Variants in CEP63 observed in about 807,000 individuals in gnomAD.
The protein encoded by CEP63 is centrosomal protein 63, also known as centrosomal protein of 63 kDa.
Under a neutral mutation model 89.1 loss-of-function variants are expected in CEP63, and 84 were observed. The observed-to-expected ratio is 0.94, with a 90% CI of 0.79 to 1.13. The LOEUF (loss-of-function observed/expected upper bound fraction) is 1.13, where lower values mean the gene tolerates loss of function less well. CEP63 is among the 50% of genes most tolerant of loss of function. The pLI is 0.00. For missense variants in CEP63, 838 were observed against 813.3 expected (o/e 1.03, Z -0.37); for synonymous variants, 267 against 272.5 (o/e 0.98, Z 0.20).
At chr3:134,763,122 C>G in the CEP63 span, among the ~76,000 whole-genome samples, 1 of 151,688 alleles carries the variant, frequency 6.6e-6, no homozygotes, top group African/African-American at 2.4e-5. Context: ...GGTACATATA[C>G]ATAACGTGCA....
At chr3:134,779,839 G>A in the CEP63 span, 1 of 152,232 alleles carries the variant, frequency 6.6e-6, no homozygotes, top group African/African-American at 2.4e-5. Flanking sequence ...TTGTCCCACT[G>A]ACCAGGCTGT....
the CEP63 span, among the ~76,000 whole-genome samples, chr3:134,649,813 G>C: frequency 1.3e-5 from 2 of 152,236 alleles, no homozygotes; most frequent in Non-Finnish European, 2.9e-5. Context: ...GTGGAAGGTG[G>C]ATGTTCAATG....
At chr3:134,541,255 T>G (rs1951935352) in intron 6 of CEP63, among the ~76,000 whole-genome samples, 1 of 152,216 alleles carries the variant, frequency 6.6e-6, no homozygotes, top group Admixed American at 6.5e-5. Context: ...AATTGCTTAA[T>G]TCTATCAATT....
At chr3:134,504,771 G>C (rs1234214461) in intron 2 of CEP63, among the ~76,000 whole-genome samples, 1 of 152,104 alleles carries the variant, frequency 6.6e-6, no homozygotes, top group Non-Finnish European at 1.5e-5. Context: ...TCTCCCATAT[G>C]CCATGTAGGC....
chr3:134,735,195 C>T, the CEP63 span, among the ~76,000 whole-genome samples: 1 of 152,168 alleles, frequency 6.6e-6, no homozygotes, highest in Non-Finnish European at 1.5e-5. Context: ...TGCTTTCCAT[C>T]TTTTCTATAA....
chr3:134,632,648 G>GA, the CEP63 span, among the ~76,000 whole-genome samples: 1 of 151,592 alleles, frequency 6.6e-6, no homozygotes, highest in African/African-American at 2.4e-5. Flanking sequence ...TCTTATTACA[G>GA]AAAAAAGAAA....
At chr3:134,620,886 A>G in the CEP63 span, 1 of 1,406,168 alleles carries the variant, frequency 7.1e-7, no homozygotes, top group Non-Finnish European at 1.0e-6. Context: ...GTGCTGTATT[A>G]GGGCCTCGAG....
the CEP63 span, among the ~76,000 whole-genome samples, chr3:134,617,262 C>A: frequency 7.3e-3 from 1,117 of 152,300 alleles, 15 homozygotes; most frequent in African/African-American, 0.026. Context: ...TAATCATGTT[C>A]TGAAAGATGC....
chr3:134,499,333 T>C (rs904061167), intron 2 of CEP63, among the ~76,000 whole-genome samples: 2 of 152,204 alleles, frequency 1.3e-5, no homozygotes, highest in African/African-American at 4.8e-5. Flanking sequence ...CTAATGACCC[T>C]TTGTATTTCT....
the CEP63 span, among the ~76,000 whole-genome samples, chr3:134,600,135 T>C: frequency 2.9e-4 from 44 of 152,156 alleles, no homozygotes; most frequent in Admixed American, 2.9e-3. Flanking sequence ...TCTTCGAAAA[T>C]TTTGCCAATA....
At chr3:134,603,183 G>C in the CEP63 span, 1 of 162,906 alleles carries the variant, frequency 6.1e-6, no homozygotes, top group African/African-American at 2.4e-5. Flanking sequence ...CTTGGGCATG[G>C]AAGAGAATTC....
the CEP63 span, among the ~76,000 whole-genome samples, chr3:134,623,756 T>A: frequency 2.8e-3 from 423 of 152,260 alleles, 1 homozygote; most frequent in Middle Eastern, 0.01. Flanking sequence ...GTAGCCGACA[T>A]GGCGTCTGTC....
intron 2 of CEP63, among the ~76,000 whole-genome samples, chr3:134,501,581 T>C (rs1037156730): frequency 2.0e-5 from 3 of 148,554 alleles, no homozygotes; most frequent in Non-Finnish European, 4.5e-5. Flanking sequence ...TTTTTTTTTA[T>C]GTGTGGCTAT....
the CEP63 span, among the ~76,000 whole-genome samples, chr3:134,615,679 AGAT>A: frequency 8.1e-4 from 124 of 152,242 alleles, no homozygotes; most frequent in Middle Eastern, 6.8e-3. Flanking sequence ...GGGGGAGCTA[AGAT>A]GTCCCTTTCA....
chr3:134,625,030 G>T, the CEP63 span: 4 of 1,572,948 alleles, frequency 2.5e-6, no homozygotes, highest in Non-Finnish European at 3.5e-6. Context: ...GGGGCCCATG[G>T]TCAGAGCGGC....
At chr3:134,578,938 A>G (rs970093619), downstream of CEP63, among the ~76,000 whole-genome samples, 2 of 151,922 alleles carry the variant, frequency 1.3e-5, no homozygotes, top group Admixed American at 1.3e-4. Flanking sequence ...TTGTATTTTT[A>G]GTAGAGACAT....
At chr3:134,626,357 G>A in the CEP63 span, among the ~76,000 whole-genome samples, 1 of 152,174 alleles carries the variant, frequency 6.6e-6, no homozygotes, top group African/African-American at 2.4e-5. Context: ...TTCCAGTCTG[G>A]TTCTGACTTC....
chr3:134,638,073 C>T, the CEP63 span, among the ~76,000 whole-genome samples: 1 of 152,216 alleles, frequency 6.6e-6, no homozygotes, highest in South Asian at 2.1e-4. Flanking sequence ...AGGAAAACAG[C>T]CACTTTCTCG....
the CEP63 span, chr3:134,604,533 A>G: frequency 7.0e-7 from 1 of 1,424,682 alleles, no homozygotes; most frequent in Non-Finnish European, 9.6e-7. Context: ...ATGTGCTGGT[A>G]AATGTTTAAC....
Sources: gnomAD v4.1 joint callset for allele counts (sites outside exome capture counted in the v4.1 genomes callset) on GRCh38, gnomAD v4.1.1 for gene constraint, MANE v1.5 for transcripts, NCBI Gene and HGNC (gene_info 2026-07-23, HGNC 2026-07-21) for gene names.